Variants in AFF1 observed in about 807,000 individuals in gnomAD.
The protein encoded by AFF1 is AF4/FMR2 family member 1.
Under a neutral mutation model 121.7 loss-of-function variants are expected in AFF1, and 48 were observed. That is an observed-to-expected ratio of 0.39 (90% CI 0.31 to 0.50). The LOEUF (loss-of-function observed/expected upper bound fraction) is 0.50. AFF1 is among the 20% of genes least tolerant of loss of function. AFF1 has a pLI of 0.76. For missense variants in AFF1, 1,523 were observed against 1,511.7 expected (o/e 1.01, Z -0.12); for synonymous variants, 613 against 563.0 (o/e 1.09, Z -1.26).
chr4:87,075,127 A>G (rs917424157), intron 4 of AFF1, among the ~76,000 whole-genome samples: 1 of 152,206 alleles, frequency 6.6e-6, no homozygotes, highest in African/African-American at 2.4e-5. Flanking sequence ...GAAAGAAACA[A>G]TAAGTTTTCT....
rs1247501118 is a variant in AFF1, at chr4:86,948,544, C to G, written c.11C>G (p.Thr4Arg). 2 of 1,536,878 alleles carry G rather than the reference C, an allele frequency of 1.3e-6. No homozygotes were observed. Among genetic ancestry groups the G allele is most frequent in the Admixed American group, 2.0e-5 (1 of 50,992 alleles). MAFTERVNSSGNSL... is the reference protein window; with the variant it reads MAFRERVNSSGNSL... ...CATTGACTGGAAACAATGGCATTTA[C>G]AGAAAGAGTCAACAGCAGTGGCAAC... Residue 4 changes from threonine to arginine, a missense_variant, in exon 2 of 21, where the codon ACA (threonine) becomes AGA (arginine). Physicochemically the swap from Thr to Arg is moderately conservative, Grantham distance 71. This residue lies in a region of AFF1 where 369 missense variants were observed against 367.2 expected (regional missense o/e 1.00). Coordinates refer to ENST00000395146, the MANE Select transcript of AFF1 (RefSeq NM_001166693.3).
Position 86,950,002 on chromosome 4 carries a change from C to T in AFF1, c.38+1431C>T, listed in dbSNP as rs1038489034. 686 of 1,613,892 alleles carry T rather than the reference C, an allele frequency of 4.3e-4. 2 individuals are homozygous for T. Among genetic ancestry groups the T allele is most frequent in the Non-Finnish European group, 5.1e-4 (605 of 1,179,974 alleles). ...GCTGGCAGATCACAAAGATGGCGAG[C>T]GCCAGTTTCACCTGCTGAGCTCCGT... is the stretch of plus-strand genomic sequence containing the variant. On this transcript the variant is annotated intron_variant, in intron 2 of 20. Transcript: ENST00000395146.
intron 2 of AFF1, among the ~76,000 whole-genome samples, chr4:86,985,280 G>GC (rs1724154021): frequency 6.9e-6 from 1 of 145,974 alleles, no homozygotes; most frequent in Admixed American, 6.9e-5. Flanking sequence ...GGAGGCCGAG[G>GC]TGGGTGGATC....
intron 2 of AFF1, among the ~76,000 whole-genome samples, chr4:87,008,989 G>C (rs1726456983): frequency 6.6e-6 from 1 of 152,130 alleles, no homozygotes; most frequent in Non-Finnish European, 1.5e-5. Context: ...AAGATACCTT[G>C]ATCTAAGAAG....
chr4:86,999,667 G>A (rs77039438), intron 2 of AFF1, among the ~76,000 whole-genome samples: 5,908 of 152,262 alleles, frequency 0.039, 195 homozygotes, highest in African/African-American at 0.092. Context: ...AGATTGAGAA[G>A]AGACAAGTAA....
At chr4:86,978,235 G>A (rs1241980642) in intron 2 of AFF1, among the ~76,000 whole-genome samples, 1 of 116,062 alleles carries the variant, frequency 8.6e-6, no homozygotes, top group African/African-American at 3.3e-5. Context: ...CTAGGCTGGA[G>A]TGCAGTGGCA....
intron 2 of AFF1, among the ~76,000 whole-genome samples, chr4:86,954,984 T>C: frequency 6.6e-6 from 1 of 152,202 alleles, no homozygotes; most frequent in East Asian, 1.9e-4. Flanking sequence ...CTTTACCTTT[T>C]ACATTCTTTT....
intron 8 of AFF1, among the ~76,000 whole-genome samples, chr4:87,098,387 G>T (rs1254579213): frequency 6.6e-6 from 1 of 152,180 alleles, no homozygotes; most frequent in Non-Finnish European, 1.5e-5. Context: ...AGGGCTCTTG[G>T]TTTTGGAATC....
rs186475036 is a variant in AFF1, at chr4:87,124,785, T to C, written c.2467-252T>C. ...CTTTAGGCATCTTCGTTTTCTTGCA[T>C]GGGAGGAATTGTTTTTCTTCGTGCA... On this transcript the variant is annotated intron_variant, in intron 12 of 20. Coordinates refer to ENST00000395146, the MANE Select transcript of AFF1 (RefSeq NM_001166693.3). Among the ~76,000 whole-genome samples, 8 of 152,312 alleles carry C rather than the reference T, an allele frequency of 5.3e-5. No homozygotes were observed. In the East Asian group the frequency reaches 1.2e-3, roughly 22 times the overall value.
chr4:87,007,515 G>A, intron 2 of AFF1: 3 of 1,545,484 alleles, frequency 1.9e-6, no homozygotes, highest in Non-Finnish European at 2.7e-6. Flanking sequence ...GGAAGGAGAC[G>A]GACAGGAAGC....
At position 87,126,239 on chromosome 4, in the gene AFF1, A is replaced by G; in HGVS notation, c.2714A>G (p.Lys905Arg). 1.2e-6 allele frequency: 2 copies of G among 1,614,064 alleles called. No individual in the cohort carries two copies. Among genetic ancestry groups the G allele is most frequent in the Non-Finnish European group, 1.7e-6 (2 of 1,180,004 alleles). ...EADTCGQDPPKSASSTKSNHK... is the reference protein window; with the variant it reads ...EADTCGQDPPRSASSTKSNHK... ...GACACCTGTGGCCAGGACCCTCCCA[A>G]AAGTGCCAGCAGTACCAAGAGCAAC... Residue 905 changes from lysine to arginine, a missense_variant, in exon 14 of 21, where the codon AAA becomes AGA. Transcript: ENST00000395146.
chr4:87,061,359 G>A (rs1224058930), intron 4 of AFF1, among the ~76,000 whole-genome samples: 2 of 152,180 alleles, frequency 1.3e-5, no homozygotes, highest in Non-Finnish European at 1.5e-5. Flanking sequence ...GATATCCATA[G>A]TACCTTAAAC....
At chr4:87,101,312 A>G (rs1377579442) in intron 8 of AFF1, among the ~76,000 whole-genome samples, 1 of 152,122 alleles carries the variant, frequency 6.6e-6, no homozygotes, top group African/African-American at 2.4e-5. Flanking sequence ...CCAGGCTCAC[A>G]CCTGTAATCC....
intron 1 of AFF1, among the ~76,000 whole-genome samples, chr4:86,940,812 G>A (rs1290657880): frequency 6.6e-6 from 1 of 150,884 alleles, no homozygotes; most frequent in African/African-American, 2.4e-5. Context: ...GAGGGGCTGG[G>A]CATGGTGGCT....
intron 2 of AFF1, among the ~76,000 whole-genome samples, chr4:87,030,313 A>G (rs1728946886): frequency 6.6e-6 from 1 of 152,242 alleles, no homozygotes; most frequent in Admixed American, 6.5e-5. Flanking sequence ...AACAATACGT[A>G]AGCAGATGAG....
intron 2 of AFF1, among the ~76,000 whole-genome samples, chr4:86,976,258 C>T (rs1723294303): frequency 6.6e-6 from 1 of 151,982 alleles, no homozygotes; most frequent in Non-Finnish European, 1.5e-5. Context: ...TACTCACATT[C>T]TGGTATTATT....
chr4:87,047,456 A>G lies in AFF1; in HGVS notation c.921A>G (p.Gln307=). 2.5e-6 allele frequency: 4 copies of G among 1,614,200 alleles called. No homozygotes were observed. The highest frequency in any genetic ancestry group is 1.6e-4 in the Middle Eastern group (1 of 6,062). ...PTAYVRPMDG[Q]DQAPSESPEL... is the part of the protein sequence containing the mutation. ...CTTATGTCCGGCCCATGGATGGTCA[A>G]GATCAGGCCCCTAGTGAATCCCCTG... The change falls in exon 4 of 21, where the codon CAA becomes CAG. Residue 307 remains glutamine (Q), a synonymous_variant. Transcript: ENST00000395146.
intron 4 of AFF1, among the ~76,000 whole-genome samples, chr4:87,076,878 A>G (rs369433438): frequency 1.3e-5 from 2 of 152,360 alleles, no homozygotes; most frequent in East Asian, 1.9e-4. Context: ...TTCTTGGAAC[A>G]GGCTTAGCTA....
intron 2 of AFF1, among the ~76,000 whole-genome samples, chr4:86,959,491 CTTTT>C (rs34054629): frequency 2.0e-5 from 2 of 97,994 alleles, no homozygotes; most frequent in African/African-American, 6.4e-5. Flanking sequence ...CCTTAATACT[CTTTT>C]TTTTTTTTTT....
Sources: gnomAD v4.1 joint callset for allele counts (sites outside exome capture counted in the v4.1 genomes callset) on GRCh38, gnomAD v4.1.1 for gene constraint, gnomAD v4.1.1 regional missense constraint, MANE v1.5 for transcripts, NCBI Gene and HGNC (gene_info 2026-07-23, HGNC 2026-07-21) for gene names.